The following PCDHA8 variants were observed in gnomAD, a reference collection of about 807,000 sequenced individuals.
PCDHA8 encodes protocadherin alpha-8.
A neutral mutation model predicts 61.8 loss-of-function variants in PCDHA8; 53 were observed. The ratio of observed to expected loss-of-function variants is 0.86; its 90% CI spans 0.69 to 1.08. The LOEUF is 1.08. Among genes scored for constraint, PCDHA8 ranks in the 50% least tolerant of loss-of-function variants. The probability of loss-of-function intolerance (pLI) is 0.00; values close to 1 mark genes in which losing one functional copy is unlikely to be tolerated. For missense variants in PCDHA8, 1,293 were observed against 1,245.0 expected (o/e 1.04, Z -0.58); for synonymous variants, 618 against 556.6 (o/e 1.11, Z -1.55).
chr5:140,843,571 C>T lies in PCDHA8; in HGVS notation c.2250C>T (p.Tyr750=), dbSNP rs1230037847. ...CCAGTGCGGTGGGGAGCTGGTCATA[C>T]TCGCAACAACAGCCGCAGAGGGTGT... ...VCSSAVGSWS[Y]SQQQPQRVCS... The change falls in exon 1 of 4, where the codon TAC becomes TAT. Residue 750 remains tyrosine, a synonymous_variant. Transcript: ENST00000531613. The T allele has an allele frequency of 3.8e-6, 6 of 1,595,858 alleles. 1 individual carries two copies. In the African/African-American group the frequency reaches 8.1e-5, roughly 21 times the overall value.
intron 3 of PCDHA8, among the ~76,000 whole-genome samples, chr5:140,992,803 G>A (rs2097529196): frequency 6.6e-6 from 1 of 152,146 alleles, no homozygotes; most frequent in African/African-American, 2.4e-5. Context: ...GGATCCATAT[G>A]TATCTAAGGA....
In PCDHA8 at chr5:140,852,660, A is replaced by G. The variant is rs2150521293; in HGVS notation, c.2394+8945A>G. The G allele has an allele frequency of 3.6e-4, 348 of 965,166 alleles. 29 individuals carry two copies. The highest frequency in any genetic ancestry group is 4.1e-4 in the Non-Finnish European group (328 of 799,632). 59.8% of individuals were successfully genotyped at this position (965,166 alleles called of 1,614,324 possible). A position where few individuals can be genotyped will look rare whatever the true frequency, so the allele number is the denominator to read the frequency against. On this transcript the variant is annotated intron_variant, in intron 1 of 3. Coordinates refer to ENST00000531613, the MANE Select transcript of PCDHA8 (RefSeq NM_018911.3). Reference sequence around the variant, plus strand: ...TCATTAAACCTATCTATATCTGTCTATCAGCACAACTCACCTTGAATATAG... The same window carrying G: ...TCATTAAACCTATCTATATCTGTCTGTCAGCACAACTCACCTTGAATATAG...
At chr5:140,869,218 G>A in intron 1 of PCDHA8, 1 of 1,613,824 alleles carries the variant, frequency 6.2e-7, no homozygotes, top group Non-Finnish European at 8.5e-7. Context: ...CTCGGAGGAG[G>A]CCAAACACGG....
intron 1 of PCDHA8, chr5:140,848,924 G>A (rs2150425105): frequency 3.1e-6 from 5 of 1,607,706 alleles, no homozygotes; most frequent in Admixed American, 1.7e-5. Context: ...TGTTCATCGC[G>A]GAATCCAGGC....
intron 1 of PCDHA8, among the ~76,000 whole-genome samples, chr5:140,893,163 T>C (rs557235731): frequency 6.6e-6 from 1 of 152,354 alleles, no homozygotes; most frequent in African/African-American, 2.4e-5. Flanking sequence ...GATATTGAGG[T>C]TGATTCCACA....
intron 1 of PCDHA8, chr5:140,855,854 T>A: frequency 1.5e-6 from 1 of 683,620 alleles, no homozygotes; most frequent in South Asian, 2.3e-5. Flanking sequence ...AGCCACCGGA[T>A]GTCGCTGTCG....
rs570001791 is a variant in PCDHA8, at chr5:140,924,660, C to T, written c.2395-54289C>T. Among the ~76,000 whole-genome samples the T allele has an allele frequency of 2.5e-3, 382 of 152,090 alleles. 1 individual carries two copies. Among genetic ancestry groups the T allele is most frequent in the South Asian group, 8.9e-3 (43 of 4,822 alleles). Reference sequence around the variant, plus strand: ...CTGTAATCCCAGCACTTTGGGAGGCCGAGGCAGGCCAATCACTTGAGGTCA... The same window carrying T: ...CTGTAATCCCAGCACTTTGGGAGGCTGAGGCAGGCCAATCACTTGAGGTCA... On this transcript the variant is annotated intron_variant, in intron 1 of 3. Coordinates refer to ENST00000531613, the MANE Select transcript of PCDHA8 (RefSeq NM_018911.3).
rs200002785 is a variant in PCDHA8, at chr5:140,870,350, A to G, written c.2394+26635A>G. On this transcript the variant is annotated intron_variant, in intron 1 of 3. Transcript: ENST00000531613. ...CTGGACAGCGCCCTGGACCGCGAGA[A>G]CGTGTGGGCCTATGAACTGGTGGTG... 1.1e-4 allele frequency: 183 copies of G among 1,614,052 alleles called. 1 individual carries two copies. Among genetic ancestry groups the G allele is most frequent in the Middle Eastern group, 3.3e-4 (2 of 6,084 alleles).
chr5:140,978,150 C>T (rs1009630892), intron 1 of PCDHA8, among the ~76,000 whole-genome samples: 2 of 152,286 alleles, frequency 1.3e-5, no homozygotes, highest in South Asian at 4.2e-4. Context: ...TTGTTCTCCC[C>T]CTTCAGACTG....
intron 2 of PCDHA8, among the ~76,000 whole-genome samples, chr5:140,979,550 T>C (rs1201791524): frequency 5.3e-5 from 8 of 152,238 alleles, no homozygotes; most frequent in Non-Finnish European, 7.3e-5. Flanking sequence ...ACATGGTTCT[T>C]CAGAAGATGA....
intron 1 of PCDHA8, among the ~76,000 whole-genome samples, chr5:140,871,905 G>A (rs1457249186): frequency 6.6e-6 from 1 of 152,124 alleles, no homozygotes; most frequent in Non-Finnish European, 1.5e-5. Flanking sequence ...GCAGAGTTTT[G>A]CCTTGATATT....
intron 1 of PCDHA8, among the ~76,000 whole-genome samples, chr5:140,965,255 G>C (rs1426270395): frequency 1.3e-5 from 2 of 152,196 alleles, no homozygotes; most frequent in Non-Finnish European, 2.9e-5. Context: ...ATTCAGAACT[G>C]AGCAGCAGAG....
chr5:140,968,405 G>C (rs2096244938), intron 1 of PCDHA8: 7 of 1,614,002 alleles, frequency 4.3e-6, no homozygotes, highest in Non-Finnish European at 5.9e-6. Flanking sequence ...GGAGTTCTTT[G>C]TGACTGTGGA....
intron 1 of PCDHA8, chr5:140,870,439 G>C (rs374343977): frequency 6.2e-7 from 1 of 1,614,126 alleles, no homozygotes; most frequent in African/African-American, 1.3e-5. Flanking sequence ...GGAGGTGGCC[G>C]ACGTGAACGA....
At chr5:140,883,018 G>A (rs1400637236) in intron 1 of PCDHA8, 4 of 1,614,086 alleles carry the variant, frequency 2.5e-6, no homozygotes, top group Admixed American at 1.7e-5. Flanking sequence ...ATAAAGTGAC[G>A]GTGTTAGAGA....
intron 3 of PCDHA8, among the ~76,000 whole-genome samples, chr5:140,994,802 C>T (rs541054161): frequency 7.9e-5 from 12 of 152,066 alleles, no homozygotes; most frequent in Non-Finnish European, 1.6e-4. Flanking sequence ...CATGCAAAAA[C>T]AAAATACAAA....
intron 3 of PCDHA8, among the ~76,000 whole-genome samples, chr5:141,005,404 G>A (rs1265064301): frequency 6.6e-6 from 1 of 152,166 alleles, no homozygotes; most frequent in Non-Finnish European, 1.5e-5. Context: ...CAGACTTGAA[G>A]AGTGAGGAGT....
intron 1 of PCDHA8, among the ~76,000 whole-genome samples, chr5:140,873,515 C>A (rs2054335003): frequency 6.6e-6 from 1 of 152,056 alleles, no homozygotes; most frequent in African/African-American, 2.4e-5. Context: ...ATACTTAATG[C>A]CAAGATTGCA....
intron 1 of PCDHA8, chr5:140,883,655 T>C (rs782178754): frequency 6.2e-7 from 1 of 1,613,114 alleles, no homozygotes; most frequent in Non-Finnish European, 8.5e-7. Context: ...GTACACGGTG[T>C]TCGTGAAGGA....
Sources: gnomAD v4.1 joint callset for allele counts (sites outside exome capture counted in the v4.1 genomes callset) on GRCh38, gnomAD v4.1.1 for gene constraint, MANE v1.5 for transcripts, NCBI Gene and HGNC (gene_info 2026-07-23, HGNC 2026-07-21) for gene names.